The following CAB39L variants were observed in gnomAD, a reference collection of about 807,000 sequenced individuals.
CAB39L encodes calcium binding protein 39 like.
In CAB39L, 23 loss-of-function variants were observed where a neutral mutation model predicts 39.1. That is an observed-to-expected ratio of 0.59 (90% CI 0.42 to 0.83). The LOEUF (loss-of-function observed/expected upper bound fraction) is 0.83, where lower values mean the gene tolerates loss of function less well. Among genes scored for constraint, CAB39L ranks in the 40% least tolerant of loss-of-function variants. The pLI, the probability that CAB39L is intolerant of heterozygous loss-of-function variation, is 0.00. For missense variants in CAB39L, 366 were observed against 391.9 expected, an observed-to-expected ratio of 0.93 and a Z score of 0.56; for synonymous variants, 126 against 137.2, an observed-to-expected ratio of 0.92 and a Z score of 0.57.
chr13:49,412,364 TTA>T lies in CAB39L; in HGVS notation c.-32+20952_-32+20953del, dbSNP rs909057365. Among the ~76,000 whole-genome samples the T allele has an allele frequency of 1.4e-4, 10 of 73,930 alleles. No individual in the cohort carries two copies. The South Asian group carries it at 4.4e-3, about 33-fold the overall frequency. 48.5% of individuals were successfully genotyped at this position (73,930 alleles called of 152,430 possible). On this transcript the variant is annotated intron_variant, in intron 3 of 10. Coordinates refer to ENST00000409308, the MANE Select transcript of CAB39L (RefSeq NM_001079670.3). ...GATAAATAAAATTTACCTTTGCCATTTAAAAAAAAAAAAATGGCAAAAACCAC... is the reference window on the plus strand; with the variant it reads ...GATAAATAAAATTTACCTTTGCCATTAAAAAAAAAAAATGGCAAAAACCAC...
intron 5 of CAB39L, among the ~76,000 whole-genome samples, chr13:49,361,499 A>AAG (rs1566089995): frequency 2.1e-5 from 3 of 145,590 alleles, no homozygotes; most frequent in Admixed American, 7.1e-5. Flanking sequence ...AAAAAAAAAA[A>AAG]AGAGACAGAA....
At chr13:49,321,670 C>T (rs533219385) in intron 10 of CAB39L, among the ~76,000 whole-genome samples, 7 of 152,228 alleles carry the variant, frequency 4.6e-5, no homozygotes, top group African/African-American at 1.7e-4. Context: ...TTCTTAACTA[C>T]TTATCTAAAG....
Position 49,411,411 on chromosome 13 carries a change from A to G in CAB39L, c.-32+21907T>C, listed in dbSNP as rs1453897427. Among the ~76,000 whole-genome samples the G allele has an allele frequency of 7.2e-4, 51 of 70,738 alleles. 1 individual carries two copies. Among genetic ancestry groups the G allele is most frequent in the Non-Finnish European group, 9.3e-4 (23 of 24,620 alleles). The allele number at this position is 70,738 out of a possible 152,430, so 46.4% of individuals were successfully genotyped here. ...GGCAACAGAGAGAGACTCTCCTGAGAAAAAAAAAAAAAAAAAGAAAATCCC... is the reference window on the plus strand; with the variant it reads ...GGCAACAGAGAGAGACTCTCCTGAGGAAAAAAAAAAAAAAAAGAAAATCCC... On this transcript the variant is annotated intron_variant, in intron 3 of 10. Coordinates refer to ENST00000409308, the MANE Select transcript of CAB39L (RefSeq NM_001079670.3).
At chr13:49,369,895 G>T (rs117386554) in intron 5 of CAB39L, among the ~76,000 whole-genome samples, 5,625 of 125,494 alleles carry the variant, frequency 0.045, 149 homozygotes, top group Middle Eastern at 0.093. Context: ...CGGCATAGGA[G>T]AATTTTTTAG....
intron 3 of CAB39L, among the ~76,000 whole-genome samples, chr13:49,395,259 G>A (rs1384792623): frequency 5.4e-5 from 8 of 147,662 alleles, no homozygotes; most frequent in African/African-American, 1.5e-4. Context: ...TTTCTGAGAC[G>A]GAGTCTCACT....
intron 6 of CAB39L, among the ~76,000 whole-genome samples, chr13:49,355,430 G>A (rs1026415601): frequency 2.0e-5 from 3 of 152,024 alleles, no homozygotes; most frequent in Non-Finnish European, 4.4e-5. Context: ...AAAAGGCCTA[G>A]AAGCAATAAC....
At chr13:49,323,578 A>G (rs938112065) in intron 10 of CAB39L, among the ~76,000 whole-genome samples, 1 of 152,170 alleles carries the variant, frequency 6.6e-6, no homozygotes, top group African/African-American at 2.4e-5. Context: ...TCCCAGGGGA[A>G]GCCGCCTGCA....
intron 9 of CAB39L, among the ~76,000 whole-genome samples, chr13:49,334,775 C>A (rs981997797): frequency 6.6e-6 from 1 of 152,164 alleles, no homozygotes; most frequent in Non-Finnish European, 1.5e-5. Flanking sequence ...TGCAAACAGA[C>A]AAAACTATCC....
chr13:49,397,642 G>A (rs976966701), intron 3 of CAB39L, among the ~76,000 whole-genome samples: 8 of 151,772 alleles, frequency 5.3e-5, no homozygotes, highest in Middle Eastern at 3.4e-3. Context: ...TATTCATTAC[G>A]TTCACACTGA....
intron 3 of CAB39L, among the ~76,000 whole-genome samples, chr13:49,388,246 A>C (rs1230893269): frequency 2.6e-5 from 4 of 152,240 alleles, no homozygotes; most frequent in Non-Finnish European, 5.9e-5. Context: ...CAGCAAAGGC[A>C]TTAAAACTGG....
chr13:49,314,094 G>A (rs1225311989), intron 10 of CAB39L, among the ~76,000 whole-genome samples: 1 of 152,134 alleles, frequency 6.6e-6, no homozygotes, highest in East Asian at 1.9e-4. Context: ...ACACGTGGTG[G>A]TAAGAAAAGC....
chr13:49,332,155 T>C, intron 9 of CAB39L, 65 bp from the exon 10 acceptor site: 1 of 1,555,948 alleles, frequency 6.4e-7, no homozygotes, highest in Non-Finnish European at 8.7e-7. Flanking sequence ...ATAGCTCACG[T>C]CTTCTCACTG....
chr13:49,334,352 A>T (rs954464685), intron 9 of CAB39L, among the ~76,000 whole-genome samples: 6 of 152,206 alleles, frequency 3.9e-5, no homozygotes, highest in Admixed American at 3.3e-4. Flanking sequence ...AAAGTAACTC[A>T]TTAAGATGCC....
chr13:49,380,154 C>A (rs975178360), intron 4 of CAB39L, among the ~76,000 whole-genome samples: 9 of 152,098 alleles, frequency 5.9e-5, no homozygotes, highest in Non-Finnish European at 1.0e-4. Flanking sequence ...ATCTTTTAAA[C>A]CACACTCATT....
intron 10 of CAB39L, among the ~76,000 whole-genome samples, chr13:49,313,198 T>C (rs7987282): frequency 1 from 151,983 of 152,318 alleles, 75,824 homozygotes; most frequent in Middle Eastern, 1. Flanking sequence ...TTACAACTGC[T>C]GGGCCAGGCG....
intron 3 of CAB39L, among the ~76,000 whole-genome samples, chr13:49,408,129 A>C (rs1015000351): frequency 6.6e-6 from 1 of 152,214 alleles, no homozygotes; most frequent in African/African-American, 2.4e-5. Context: ...CTAGGATGAC[A>C]GTGAGGGTAA....
intron 3 of CAB39L, among the ~76,000 whole-genome samples, chr13:49,390,728 T>C (rs544870790): frequency 1.6e-4 from 25 of 152,060 alleles, no homozygotes; most frequent in Non-Finnish European, 2.8e-4. Context: ...TGCAATAGAA[T>C]AGCTGATTGG....
chr13:49,385,525 G>A (rs1445389560), intron 3 of CAB39L, among the ~76,000 whole-genome samples: 1 of 152,196 alleles, frequency 6.6e-6, no homozygotes, highest in Non-Finnish European at 1.5e-5. Flanking sequence ...ACTTACTGAT[G>A]CAAAAGGCCT....
intron 7 of CAB39L, among the ~76,000 whole-genome samples, chr13:49,345,450 C>A (rs935842363): frequency 1.3e-5 from 2 of 152,104 alleles, no homozygotes; most frequent in African/African-American, 4.8e-5. Flanking sequence ...CCCAGTGGAG[C>A]AGAGCATTCA....
Sources: gnomAD v4.1 joint callset for allele counts (sites outside exome capture counted in the v4.1 genomes callset) on GRCh38, gnomAD v4.1.1 for gene constraint, MANE v1.5 for transcripts, NCBI Gene and HGNC (gene_info 2026-07-23, HGNC 2026-07-21) for gene names.